PATZ1: variants seen among roughly 807,000 people sequenced by gnomAD.
The protein encoded by PATZ1 is POZ-, AT hook-, and zinc finger-containing protein 1.
In PATZ1, 9 loss-of-function variants were observed where a neutral mutation model predicts 46.2. The ratio of observed to expected loss-of-function variants is 0.19; its 90% CI spans 0.12 to 0.34. The LOEUF (loss-of-function observed/expected upper bound fraction) is 0.34. Ranked by LOEUF, PATZ1 falls within the 10% of genes least tolerant of loss-of-function variation. The pLI is 1.00. For synonymous variants in PATZ1, 426 were observed against 378.6 expected, an observed-to-expected ratio of 1.13 and a Z score of -1.45; for missense variants, 632 against 923.0, an observed-to-expected ratio of 0.68 and a Z score of 4.08.
intron 3 of PATZ1, 45 bp downstream of exon 3, chr22:31,335,647 G>A (rs373994647): frequency 8.8e-6 from 14 of 1,587,652 alleles, no homozygotes; most frequent in African/African-American, 5.4e-5. Flanking sequence ...TCCCATACAC[G>A]CTCAGGCCCA....
At position 31,345,456 on chromosome 22, in the gene PATZ1, G is replaced by A; in HGVS notation, c.147C>T (p.Asp49=). 1 of 1,612,558 alleles carries A rather than the reference G, an allele frequency of 6.2e-7. No homozygotes were observed. Among genetic ancestry groups the A allele is most frequent in the Non-Finnish European group, 8.5e-7 (1 of 1,179,750 alleles). ...RFCDVLLRVG[D]ESFPAHRAVL... ...CGGCGCGGTGCGCTGGGAAGCTCTC[G>A]TCGCCTACCCGCAAGAGCACGTCGC... Residue 49 remains aspartate, a synonymous_variant, in exon 1 of 5, where the codon GAC becomes GAT. Transcript: ENST00000266269. This position sits in a 1 kb window ranked among gnomAD's most constrained non-coding sequence, Gnocchi z 7.4.
chr22:31,344,516 T>C lies in PATZ1; in HGVS notation c.1087A>G (p.Ile363Val), dbSNP rs755751672. The change falls in exon 1 of 5, where the codon ATC becomes GTC. Residue 363 changes from isoleucine to valine, a missense_variant. Physicochemically the swap from Ile to Val is conservative, Grantham distance 29. Around this residue, in one of 7 missense-constraint regions of PATZ1, gnomAD observed 279 missense variants for 284.3 expected, o/e 0.98. Coordinates refer to ENST00000266269, the MANE Select transcript of PATZ1 (RefSeq NM_014323.3). Reference sequence around the variant, plus strand: ...TTAAGATGATACACATCACGGAAGATCTTGCCGCAGATCTCACAAGCCACC... The same window carrying C: ...TTAAGATGATACACATCACGGAAGACCTTGCCGCAGATCTCACAAGCCACC... ...KQVACEICGK[I>V]FRDVYHLNRH... 6.2e-7 allele frequency: 1 copy of C among 1,614,184 alleles called. No homozygotes were observed. Among genetic ancestry groups the C allele is most frequent in the Admixed American group, 1.7e-5 (1 of 60,028 alleles).
At chr22:31,331,751 G>A (rs1486550562) in intron 3 of PATZ1, among the ~76,000 whole-genome samples, 1 of 152,184 alleles carries the variant, frequency 6.6e-6, no homozygotes, top group African/African-American at 2.4e-5. Flanking sequence ...GAAAGGAGCG[G>A]GAGAGCACCA....
chr22:31,344,877 T>C lies in PATZ1; in HGVS notation c.726A>G (p.Leu242=), dbSNP rs1201405864. 1 of 1,612,914 alleles carries C rather than the reference T, an allele frequency of 6.2e-7. No individual in the cohort carries two copies. Among genetic ancestry groups the C allele is most frequent in the South Asian group, 1.1e-5 (1 of 91,080 alleles). The change falls in exon 1 of 5, where the codon CTA becomes CTG. Residue 242 remains leucine (L), a synonymous_variant. Coordinates refer to ENST00000266269, the MANE Select transcript of PATZ1 (RefSeq NM_014323.3). ...ATGGGGAAGTCAGCAGTTGGGGGGA[T>C]AGGGGTCCAGCCACCATGGGCAAGC... ...VDRLPMVAGP[L]SPQLLTSPFP... is the part of the protein sequence containing the mutation.
chr22:31,334,183 C>T (rs28715), intron 3 of PATZ1, among the ~76,000 whole-genome samples: 95,793 of 152,114 alleles, frequency 0.63, 32,156 homozygotes, highest in East Asian at 0.93. Flanking sequence ...CAAGAAACGA[C>T]ATTATTTCTA....
Position 31,326,152 on chromosome 22 carries a change from ACT to A in PATZ1, c.*737_*738del, listed in dbSNP as rs1445386652. ...TAGCTTTCAGTAGCAATTCACTACA[ACT>A]GGTCCTAAAAAATAATAACAATAAT... On this transcript the variant is annotated 3_prime_UTR_variant, in exon 5 of 5. Transcript: ENST00000266269. The A allele has an allele frequency of 4.5e-6, 1 of 222,792 alleles. No individual in the cohort carries two copies. Among genetic ancestry groups the A allele is most frequent in the Non-Finnish European group, 9.0e-6 (1 of 111,258 alleles). The allele number at this position is 222,792 out of a possible 1,614,324, so 13.8% of individuals were successfully genotyped here.
intron 2 of PATZ1, among the ~76,000 whole-genome samples, chr22:31,339,130 G>C (rs1453064282): frequency 6.6e-6 from 1 of 152,164 alleles, no homozygotes; most frequent in African/African-American, 2.4e-5. Flanking sequence ...ACCCACAAGT[G>C]GCTTATCCAT....
chr22:31,345,073 G>A lies in PATZ1; in HGVS notation c.530C>T (p.Pro177Leu). Residue 177 changes from proline to leucine, a missense_variant, in exon 1 of 5, where the codon CCC (proline) becomes CTC (leucine). Around this residue, in one of 7 missense-constraint regions of PATZ1, gnomAD observed 279 missense variants for 284.3 expected, o/e 0.98. Coordinates refer to ENST00000266269, the MANE Select transcript of PATZ1 (RefSeq NM_014323.3). This position sits in a 1 kb window ranked among gnomAD's most constrained non-coding sequence, Gnocchi z 7.4. Reference protein sequence around the residue: ...PARADIMLFRPPGTSDLGFPL... With the variant: ...PARADIMLFRLPGTSDLGFPL... ...GAAGCCCAAGTCCGAGGTCCCAGGG[G>A]GGCGAAAGAGCATTATATCGGCGCG... 3.7e-6 allele frequency: 6 copies of A among 1,614,200 alleles called. No homozygotes were observed. Among genetic ancestry groups the A allele is most frequent in the Non-Finnish European group, 5.1e-6 (6 of 1,180,036 alleles).
chr22:31,329,511 G>A (rs1417374305), intron 3 of PATZ1, among the ~76,000 whole-genome samples: 1 of 152,198 alleles, frequency 6.6e-6, no homozygotes, highest in Non-Finnish European at 1.5e-5. Flanking sequence ...ACAGGATTTA[G>A]TAACTGTTTA....
At chr22:31,332,496 G>A (rs1037996850) in intron 3 of PATZ1, among the ~76,000 whole-genome samples, 3 of 152,216 alleles carry the variant, frequency 2.0e-5, no homozygotes, top group Admixed American at 6.5e-5. Flanking sequence ...CTCCAGAGAC[G>A]ATGGTCTTAT....
intron 3 of PATZ1, 83 bp from the exon 4 acceptor site, chr22:31,329,007 T>C (rs953939292): frequency 4.2e-6 from 6 of 1,434,928 alleles, no homozygotes; most frequent in Non-Finnish European, 4.7e-6. Flanking sequence ...CTCTGGCCGC[T>C]CTGGCTAGCA....
Position 31,327,108 on chromosome 22 carries a change from G to A in PATZ1, c.1847C>T (p.Ser616Phe). Residue 616 changes from serine (S) to phenylalanine (F), a missense_variant, in exon 5 of 5, where the codon TCT becomes TTT. Physicochemically the swap from Ser to Phe is radical, Grantham distance 155. This residue lies in a region of PATZ1 where 176 missense variants were observed against 249.4 expected (regional missense o/e 0.71). Coordinates refer to ENST00000266269, the MANE Select transcript of PATZ1 (RefSeq NM_014323.3). This position sits in a 1 kb window ranked among gnomAD's most constrained non-coding sequence, Gnocchi z 4.2. ...PCPECGSFFR[S>F]KSYLNKHIQK... ...GATGTGTTTGTTCAAGTAGGACTTA[G>A]AGCGGAAGAAGCTCCCACATTCAGG... The A allele has an allele frequency of 1.2e-6, 2 of 1,614,176 alleles. No individual in the cohort carries two copies. Among genetic ancestry groups the A allele is most frequent in the South Asian group, 1.1e-5 (1 of 91,074 alleles).
chr22:31,341,986 T>C (rs2049588498), intron 2 of PATZ1, among the ~76,000 whole-genome samples: 1 of 152,104 alleles, frequency 6.6e-6, no homozygotes, highest in African/African-American at 2.4e-5. Context: ...CCTGCTGGTC[T>C]CCCTGAACCC....
intron 3 of PATZ1, 117 bp downstream of exon 3, chr22:31,335,575 A>C: frequency 1.1e-6 from 1 of 896,780 alleles, no homozygotes; most frequent in African/African-American, 1.7e-5. Flanking sequence ...TTCAGTGGGA[A>C]GTAGGGGGTG....
chr22:31,331,192 G>A (rs1463411133), intron 3 of PATZ1, among the ~76,000 whole-genome samples: 2 of 152,136 alleles, frequency 1.3e-5, no homozygotes, highest in Admixed American at 1.3e-4. Context: ...CAAGGCTAAT[G>A]GGAAAGAGGC....
chr22:31,327,377 C>T lies in PATZ1; in HGVS notation c.1646-68G>A. 7.5e-7 allele frequency: 1 copy of T among 1,326,502 alleles called. No homozygotes were observed. The allele number at this position is 1,326,502 out of a possible 1,614,324, so 82.2% of individuals were successfully genotyped here. ...TGGAGATGCCCCCTCCTGGAGGGGT[C>T]ATGAGGGGCCAGCTCACAGACCTGT... On this transcript the variant is annotated intron_variant, in intron 4 of 4. Transcript: ENST00000266269. The surrounding 1 kb of genome is among the most constrained non-coding windows in gnomAD (Gnocchi z 4.2).
Position 31,345,069 on chromosome 22 carries a change from A to C in PATZ1, c.534T>G (p.Pro178=). Reference sequence around the variant, plus strand: ...AAGGGAAGCCCAAGTCCGAGGTCCCAGGGGGGCGAAAGAGCATTATATCGG... The same window carrying C: ...AAGGGAAGCCCAAGTCCGAGGTCCCCGGGGGGCGAAAGAGCATTATATCGG... ...ARADIMLFRP[P]GTSDLGFPLD... The change falls in exon 1 of 5, where the codon CCT becomes CCG. Residue 178 remains proline (P), a synonymous_variant. Transcript: ENST00000266269. The surrounding 1 kb of genome is among the most constrained non-coding windows in gnomAD (Gnocchi z 7.4). The C allele has an allele frequency of 6.2e-7, 1 of 1,614,132 alleles. No individual in the cohort carries two copies. The highest frequency in any genetic ancestry group is 8.5e-7 in the Non-Finnish European group (1 of 1,180,002).
intron 3 of PATZ1, among the ~76,000 whole-genome samples, chr22:31,332,041 G>T (rs2049450346): frequency 6.6e-6 from 1 of 152,158 alleles, no homozygotes; most frequent in South Asian, 2.1e-4. Context: ...AACCAAGGAG[G>T]TGGAGGTTGT....
Position 31,344,780 on chromosome 22 carries a change from G to A in PATZ1, c.823C>T (p.Leu275=), listed in dbSNP as rs751962766. The change falls in exon 1 of 5, where the codon CTG becomes TTG. Residue 275 remains leucine, a synonymous_variant. Coordinates refer to ENST00000266269, the MANE Select transcript of PATZ1 (RefSeq NM_014323.3). ...RGRGRPRKAN[L]LDSMFGSPGG... is the part of the protein sequence containing the mutation. ...GGGGACCCAAACATTGAGTCCAGCA[G>A]GTTGGCCTTCCTTGGGCGGCCCCGG... 6.3e-5 allele frequency: 101 copies of A among 1,609,656 alleles called. No homozygotes were observed. Among genetic ancestry groups the A allele is most frequent in the Non-Finnish European group, 8.2e-5 (97 of 1,177,694 alleles).
Sources: allele counts gnomAD v4.1 joint callset (sites outside exome capture counted in the v4.1 genomes callset), GRCh38; gene constraint gnomAD v4.1.1; regional missense constraint gnomAD v4.1.1; non-coding constraint Gnocchi (gnomAD v3.1); transcripts MANE v1.5; gene names NCBI Gene and HGNC (gene_info 2026-07-23, HGNC 2026-07-21).